STXBP5L: variants seen among roughly 807,000 people sequenced by gnomAD.
STXBP5L encodes syntaxin binding protein 5L, also known as syntaxin-binding protein 5-like.
Under a neutral mutation model 144.5 loss-of-function variants are expected in STXBP5L, and 65 were observed. The observed-to-expected ratio is 0.45, with a 90% confidence interval of 0.37 to 0.55. STXBP5L has a LOEUF of 0.55. STXBP5L is among the 20% of genes least tolerant of loss of function. STXBP5L has a pLI of 0.00. For missense variants in STXBP5L, 1,298 were observed against 1,405.5 expected, an observed-to-expected ratio of 0.92 and a Z score of 1.22; for synonymous variants, 505 against 469.6, an observed-to-expected ratio of 1.08 and a Z score of -0.97.
intron 5 of STXBP5L, among the ~76,000 whole-genome samples, chr3:121,054,260 T>G (rs546134358): frequency 1.6e-3 from 245 of 152,212 alleles, no homozygotes; most frequent in Non-Finnish European, 2.8e-3. Flanking sequence ...CAAAGGATTA[T>G]AAATCATGCT....
chr3:120,919,317 A>G (rs1182400843), intron 2 of STXBP5L, among the ~76,000 whole-genome samples: 5 of 152,060 alleles, frequency 3.3e-5, no homozygotes, highest in African/African-American at 1.2e-4. Flanking sequence ...GCTGAAATTG[A>G]ATTGGACAAA....
At chr3:121,187,922 C>T (rs2047467657) in intron 9 of STXBP5L, among the ~76,000 whole-genome samples, 2 of 151,270 alleles carry the variant, frequency 1.3e-5, no homozygotes. Flanking sequence ...GACTTTAAAC[C>T]AACAAAGAGA....
intron 18 of STXBP5L, among the ~76,000 whole-genome samples, chr3:121,275,377 G>T (rs1279563473): frequency 6.6e-6 from 1 of 152,062 alleles, no homozygotes; most frequent in Non-Finnish European, 1.5e-5. Flanking sequence ...ATTAAGCAAG[G>T]TACATCTTTC....
chr3:121,025,148 A>G (rs1945839454), intron 3 of STXBP5L, among the ~76,000 whole-genome samples: 1 of 152,148 alleles, frequency 6.6e-6, no homozygotes, highest in Non-Finnish European at 1.5e-5. Flanking sequence ...AGAGGCCAAG[A>G]GAGATGTTAG....
chr3:121,004,643 A>G (rs1370702399), intron 3 of STXBP5L, among the ~76,000 whole-genome samples: 1 of 152,094 alleles, frequency 6.6e-6, no homozygotes, highest in Non-Finnish European at 1.5e-5. Flanking sequence ...TTCAAAGGGA[A>G]TGCTTCCAGT....
intron 16 of STXBP5L, among the ~76,000 whole-genome samples, chr3:121,256,737 T>A (rs1460278048): frequency 1.3e-5 from 2 of 151,826 alleles, no homozygotes; most frequent in Non-Finnish European, 2.9e-5. Context: ...TACACGTTTG[T>A]GTGTGTATAT....
At chr3:121,146,795 T>A (rs1268021716) in intron 7 of STXBP5L, among the ~76,000 whole-genome samples, 3 of 152,020 alleles carry the variant, frequency 2.0e-5, no homozygotes, top group African/African-American at 7.2e-5. Context: ...AATCCTAAAT[T>A]TGTATATGCC....
rs1232369606 is a variant in STXBP5L, at chr3:120,970,087, C to T, written c.287+15050C>T. Among the ~76,000 whole-genome samples the T allele has an allele frequency of 4.6e-5, 7 of 152,130 alleles. No homozygotes were observed. In the South Asian group the frequency reaches 1.2e-3, roughly 27 times the overall value. ...AACCAAACCCTACCCTTTAACACCCCCCCAATAATTTGATTTATTGGTGTT... is the reference window on the plus strand; with the variant it reads ...AACCAAACCCTACCCTTTAACACCCTCCCAATAATTTGATTTATTGGTGTT... On this transcript the variant is annotated intron_variant, in intron 3 of 26. Transcript: ENST00000471454.
At chr3:120,947,821 T>C (rs1710956167) in intron 2 of STXBP5L, among the ~76,000 whole-genome samples, 1 of 151,896 alleles carries the variant, frequency 6.6e-6, no homozygotes, top group Non-Finnish European at 1.5e-5. Flanking sequence ...TATTCTATTG[T>C]GTGGATATAC....
chr3:121,203,276 T>A (rs1021149501), intron 9 of STXBP5L, among the ~76,000 whole-genome samples: 1 of 152,182 alleles, frequency 6.6e-6, no homozygotes, highest in East Asian at 1.9e-4. Context: ...GATTGGCTAT[T>A]TTGTACCTCA....
chr3:121,258,766 ATAACT>A (rs1205191269), intron 17 of STXBP5L, among the ~76,000 whole-genome samples: 3 of 152,168 alleles, frequency 2.0e-5, no homozygotes, highest in Non-Finnish European at 2.9e-5. Flanking sequence ...CATAATAAAA[ATAACT>A]TAAAATAATA....
rs115673772 is a variant in STXBP5L at position 121,323,611 on chromosome 3, A to G, written c.2176+5071A>G. Among the ~76,000 whole-genome samples the G allele has an allele frequency of 4.6e-3, 699 of 152,324 alleles. 9 individuals are homozygous for G. The highest frequency in any genetic ancestry group is 0.016 in the African/African-American group (651 of 41,574). On this transcript the variant is annotated intron_variant, in intron 20 of 26. Coordinates refer to ENST00000471454, the MANE Select transcript of STXBP5L (RefSeq NM_001308330.2). ...ATTCATTCACTCAACTATACATCAA[A>G]TAATTTCCAGTTTCTACAGCTAGAC... is the stretch of plus-strand genomic sequence containing the variant.
At chr3:121,190,356 G>A (rs959788350) in intron 9 of STXBP5L, among the ~76,000 whole-genome samples, 2 of 152,170 alleles carry the variant, frequency 1.3e-5, no homozygotes, top group African/African-American at 4.8e-5. Context: ...ACGTTTCAGA[G>A]AGCACGGGGT....
At chr3:121,292,689 A>G (rs1362901781) in intron 19 of STXBP5L, among the ~76,000 whole-genome samples, 1 of 152,178 alleles carries the variant, frequency 6.6e-6, no homozygotes, top group African/African-American at 2.4e-5. Flanking sequence ...TATATCATGG[A>G]ATACTACTGA....
At chr3:121,017,977 G>A (rs1945261987) in intron 3 of STXBP5L, among the ~76,000 whole-genome samples, 1 of 152,140 alleles carries the variant, frequency 6.6e-6, no homozygotes, top group Admixed American at 6.6e-5. Flanking sequence ...TACCCAGGAG[G>A]CTGAGTTGAG....
intron 5 of STXBP5L, among the ~76,000 whole-genome samples, chr3:121,058,427 A>G (rs1405122309): frequency 6.6e-6 from 1 of 152,236 alleles, no homozygotes; most frequent in African/African-American, 2.4e-5. Context: ...ACAGTGCTGC[A>G]AAAAGCATGC....
At chr3:121,093,822 T>A (rs374725299) in intron 5 of STXBP5L, among the ~76,000 whole-genome samples, 10 of 152,232 alleles carry the variant, frequency 6.6e-5, no homozygotes, top group South Asian at 2.1e-4. Flanking sequence ...AGCTTTTGAA[T>A]GTGTTTGCTC....
intron 2 of STXBP5L, among the ~76,000 whole-genome samples, chr3:120,923,978 A>T (rs1359018607): frequency 6.6e-6 from 1 of 152,176 alleles, no homozygotes. Context: ...AAGGAATGCA[A>T]CAAGGATTAG....
chr3:121,171,875 AAAG>A (rs1454911281), intron 9 of STXBP5L, among the ~76,000 whole-genome samples: 1 of 152,214 alleles, frequency 6.6e-6, no homozygotes, highest in Non-Finnish European at 1.5e-5. Flanking sequence ...TGGAAGCAAA[AAAG>A]AGCCTGTATA....
Sources: allele counts gnomAD v4.1 joint callset (sites outside exome capture counted in the v4.1 genomes callset), GRCh38; gene constraint gnomAD v4.1.1; transcripts MANE v1.5; gene names NCBI Gene and HGNC (gene_info 2026-07-23, HGNC 2026-07-21).